Variants in PPHLN1 observed in about 807,000 individuals in gnomAD.
PPHLN1 encodes periphilin 1.
A neutral mutation model predicts 51.3 loss-of-function variants in PPHLN1; 29 were observed. The observed-to-expected ratio is 0.57, with a 90% CI of 0.42 to 0.77. PPHLN1 has a LOEUF of 0.77. Among genes scored for constraint, PPHLN1 ranks in the 30% least tolerant of loss-of-function variants. The probability of loss-of-function intolerance (pLI) is 0.00; values close to 1 mark genes in which losing one functional copy is unlikely to be tolerated. For synonymous variants in PPHLN1, 147 were observed against 147.8 expected, an observed-to-expected ratio of 0.99 and a Z score of 0.04; for missense variants, 436 against 438.4, an observed-to-expected ratio of 0.99 and a Z score of 0.05.
chr12:42,441,519 C>G lies in PPHLN1; in HGVS notation c.*10C>G. On this transcript the variant is annotated 3_prime_UTR_variant, in exon 10 of 10. Coordinates refer to ENST00000358314, the MANE Select transcript of PPHLN1 (RefSeq NM_201439.2). ...TGGAGAGCCTTTTTAGATTTTTCTG[C>G]TCAGGCTAAAAAAAAAAAAAAACAG... 6.5e-7 allele frequency: 1 copy of G among 1,540,816 alleles called. No homozygotes were observed. The highest frequency in any genetic ancestry group is 8.7e-7 in the Non-Finnish European group (1 of 1,149,128).
intron 1 of PPHLN1, among the ~76,000 whole-genome samples, chr12:42,331,064 A>G (rs866301538): frequency 1.3e-5 from 2 of 152,212 alleles, no homozygotes; most frequent in African/African-American, 4.8e-5. Context: ...TAGACACAGT[A>G]ACAGTCCGAT....
intron 1 of PPHLN1, chr12:42,332,813 CTTA>C (rs1400375634): frequency 1.8e-6 from 1 of 558,856 alleles, no homozygotes; most frequent in South Asian, 3.8e-5. Flanking sequence ...CTTTAGAACT[CTTA>C]TTGTTTATTT....
At chr12:42,446,571 C>G, downstream of PPHLN1, 1 of 1,612,632 alleles carries the variant, frequency 6.2e-7, no homozygotes, top group East Asian at 2.2e-5. Flanking sequence ...ATGTTTGTCT[C>G]TTGTTGTTTA....
chr12:42,334,049 T>C (rs1038402487), intron 1 of PPHLN1, among the ~76,000 whole-genome samples: 2 of 152,230 alleles, frequency 1.3e-5, no homozygotes, highest in Non-Finnish European at 1.5e-5. Flanking sequence ...TCATTGCTGT[T>C]ACTATTTCTC....
At chr12:42,446,190 C>T (rs541068905), downstream of PPHLN1, 5 of 1,611,918 alleles carry the variant, frequency 3.1e-6, no homozygotes, top group East Asian at 2.2e-5. Flanking sequence ...AAGAAGACAA[C>T]TCAGGAGGCT....
chr12:42,384,354 A>G (rs554722678), intron 5 of PPHLN1, among the ~76,000 whole-genome samples: 2 of 152,160 alleles, frequency 1.3e-5, no homozygotes, highest in Non-Finnish European at 2.9e-5. Context: ...AGCCCTGACT[A>G]CTAGTATATT....
chr12:42,361,363 G>T (rs962219700), intron 4 of PPHLN1: 14 of 152,182 alleles, frequency 9.2e-5, no homozygotes, highest in African/African-American at 3.4e-4. Context: ...ATTTGTTACG[G>T]CAGTCCAACC....
intron 9 of PPHLN1, among the ~76,000 whole-genome samples, chr12:42,438,907 ATTG>A (rs975034780): frequency 6.6e-6 from 1 of 152,084 alleles, no homozygotes; most frequent in Non-Finnish European, 1.5e-5. Flanking sequence ...CGGCCCTCTT[ATTG>A]TTGAGTTATA....
intron 9 of PPHLN1, among the ~76,000 whole-genome samples, chr12:42,429,712 A>G (rs2081859652): frequency 6.6e-6 from 1 of 152,208 alleles, no homozygotes; most frequent in Non-Finnish European, 1.5e-5. Flanking sequence ...GGTGAGCTCT[A>G]GCTGTGTGGC....
At chr12:42,425,246 ATT>A (rs34484756) in intron 9 of PPHLN1, among the ~76,000 whole-genome samples, 9 of 124,780 alleles carry the variant, frequency 7.2e-5, no homozygotes, top group South Asian at 5.3e-4. Context: ...TGCCTGGCTA[ATT>A]TTTTTTTTTT....
chr12:42,403,868 A>G (rs1045487616), intron 9 of PPHLN1, among the ~76,000 whole-genome samples: 1 of 152,166 alleles, frequency 6.6e-6, no homozygotes, highest in Non-Finnish European at 1.5e-5. Context: ...AGTGTTAGGT[A>G]AGGATTTTAC....
chr12:42,344,543 G>A (rs148792369), intron 2 of PPHLN1, among the ~76,000 whole-genome samples: 3 of 152,052 alleles, frequency 2.0e-5, no homozygotes, highest in African/African-American at 7.2e-5. Flanking sequence ...GGGGGGATGG[G>A]CTTAATACTT....
chr12:42,383,982 T>TG (rs2076974941), intron 5 of PPHLN1, among the ~76,000 whole-genome samples: 1 of 14,740 alleles, frequency 6.8e-5, no homozygotes. Flanking sequence ...AGACTGTGTC[T>TG]CAAAAAAAAA....
At chr12:42,446,059 C>T, downstream of PPHLN1, 2 of 1,550,604 alleles carry the variant, frequency 1.3e-6, no homozygotes, top group South Asian at 2.4e-5. Context: ...AGGAAACGAC[C>T]CTGCAGGCCC....
chr12:42,335,724 T>C (rs568245132), intron 1 of PPHLN1, among the ~76,000 whole-genome samples, 159 bp from the exon 2 acceptor site: 48 of 150,300 alleles, frequency 3.2e-4, no homozygotes, highest in Non-Finnish European at 6.4e-4. Context: ...ATCTCAAAAT[T>C]GTTTGGAAGA....
At chr12:42,397,307 A>G (rs1402847871) in intron 8 of PPHLN1, among the ~76,000 whole-genome samples, 1 of 152,122 alleles carries the variant, frequency 6.6e-6, no homozygotes, top group Non-Finnish European at 1.5e-5. Context: ...GCCACTTTAT[A>G]TTTCATTGAT....
At chr12:42,414,802 A>C (rs903288671) in intron 9 of PPHLN1, among the ~76,000 whole-genome samples, 1 of 152,070 alleles carries the variant, frequency 6.6e-6, no homozygotes, top group Admixed American at 6.5e-5. Flanking sequence ...GGCTAGGCCT[A>C]CTCCATTGAA....
chr12:42,406,410 A>T (rs2079314174), intron 9 of PPHLN1, among the ~76,000 whole-genome samples: 1 of 152,130 alleles, frequency 6.6e-6, no homozygotes, highest in African/African-American at 2.4e-5. Flanking sequence ...AAATAGAATC[A>T]TATGGAATAT....
At chr12:42,441,266 G>A (rs1265939246) in intron 9 of PPHLN1, 49 bp from the exon 10 acceptor site, 11 of 1,536,282 alleles carry the variant, frequency 7.2e-6, no homozygotes, top group Non-Finnish European at 9.7e-6. Flanking sequence ...CTAAGTATTT[G>A]GCTAGTTATT....
Sources: gnomAD v4.1 joint callset for allele counts (sites outside exome capture counted in the v4.1 genomes callset) on GRCh38, gnomAD v4.1.1 for gene constraint, MANE v1.5 for transcripts, NCBI Gene and HGNC (gene_info 2026-07-23, HGNC 2026-07-21) for gene names.